Variants in NPR3 observed in about 807,000 individuals in gnomAD.
The protein encoded by NPR3 is natriuretic peptide receptor 3, also known as atrial natriuretic peptide receptor 3.
In NPR3, 34 loss-of-function variants were observed where a neutral mutation model predicts 54.5. The ratio of observed to expected loss-of-function variants is 0.62; its 90% CI spans 0.47 to 0.83. The LOEUF (loss-of-function observed/expected upper bound fraction) is 0.83, where lower values mean the gene tolerates loss of function less well. NPR3 is among the 40% of genes least tolerant of loss of function. The probability of loss-of-function intolerance (pLI) is 0.00; values close to 1 mark genes in which losing one functional copy is unlikely to be tolerated. For synonymous variants in NPR3, 289 were observed against 297.1 expected (o/e 0.97, Z 0.28); for missense variants, 674 against 720.8 (o/e 0.94, Z 0.74).
rs531609303 is a variant in NPR3, at chr5:32,724,037, C to T, written c.770-661C>T. On this transcript the variant is annotated intron_variant, in intron 1 of 7. Transcript: ENST00000265074. ...AGAATCATGCTTATTTACCCCTAAA[C>T]ATTCAACTGTGTACTTCCTAAGAAC... 3.9e-5 allele frequency among the ~76,000 whole-genome samples: 6 copies of T among 152,302 alleles called. No homozygotes were observed. The East Asian group carries it at 1.2e-3, about 29-fold the overall frequency.
At chr5:32,747,007 C>A (rs1394081452) in intron 3 of NPR3, among the ~76,000 whole-genome samples, 1 of 152,038 alleles carries the variant, frequency 6.6e-6, no homozygotes, top group Non-Finnish European at 1.5e-5. Flanking sequence ...AAATAATACA[C>A]AACTTTCTAG....
Position 32,740,304 on chromosome 5 carries a change from G to A in NPR3, c.1059+1274G>A, listed in dbSNP as rs1024407845. Among the ~76,000 whole-genome samples, 14 of 152,242 alleles carry A rather than the reference G, an allele frequency of 9.2e-5. 1 individual carries two copies. Among genetic ancestry groups the A allele is most frequent in the Non-Finnish European group, 1.5e-4 (10 of 68,012 alleles). ...ACTTTTTCCTGTTGGGAGGATTTTG[G>A]ATTATTTACCTGAAGCATTTAACGC... On this transcript the variant is annotated intron_variant, in intron 3 of 7. Transcript: ENST00000265074.
chr5:32,698,562 T>G (rs1740589708), intron 1 of NPR3, among the ~76,000 whole-genome samples: 1 of 152,190 alleles, frequency 6.6e-6, no homozygotes, highest in South Asian at 2.1e-4. Context: ...TGTCAAAGGC[T>G]GAAAGTGGGA....
rs1413766434 is a variant in NPR3 at position 32,711,841 on chromosome 5, G to A, written c.65G>A (p.Gly22Asp). The change falls in exon 1 of 8, where the codon GGC (glycine) becomes GAC (aspartate). Residue 22 changes from glycine to aspartate, a missense_variant. Physicochemically the swap from Gly to Asp is moderately conservative, Grantham distance 94. Transcript: ENST00000265074. ...CTACTCGGCTGGGCGTTGCTGGCCGGCGGCACCGGTGGCGGTGGCGTTGGC... is the reference window on the plus strand; with the variant it reads ...CTACTCGGCTGGGCGTTGCTGGCCGACGGCACCGGTGGCGGTGGCGTTGGC... ...CVLLGWALLA[G>D]GTGGGGVGGG... 6.2e-6 allele frequency: 9 copies of A among 1,461,334 alleles called. No homozygotes were observed. In the South Asian group the frequency reaches 1.3e-4, roughly 21 times the overall value. The allele number at this position is 1,461,334 out of a possible 1,614,324, so 90.5% of individuals were successfully genotyped here.
At chr5:32,729,170 C>CA (rs1739330363) in intron 2 of NPR3, among the ~76,000 whole-genome samples, 1 of 150,308 alleles carries the variant, frequency 6.7e-6, no homozygotes, top group Non-Finnish European at 1.5e-5. Flanking sequence ...GCTGGGACTA[C>CA]AGGCGCCCGC....
At chr5:32,757,547 C>T (rs1740912877) in intron 3 of NPR3, among the ~76,000 whole-genome samples, 1 of 152,164 alleles carries the variant, frequency 6.6e-6, no homozygotes, top group Admixed American at 6.5e-5. Context: ...CATCTGCAAA[C>T]AGGGACAGTT....
At chr5:32,720,650 T>G (rs898210392) in intron 1 of NPR3, among the ~76,000 whole-genome samples, 4 of 152,184 alleles carry the variant, frequency 2.6e-5, no homozygotes, top group Non-Finnish European at 5.9e-5. Context: ...TCATTCCCTC[T>G]TTTAGAATTT....
intron 1 of NPR3, among the ~76,000 whole-genome samples, chr5:32,714,576 T>G (rs955732288): frequency 6.6e-6 from 1 of 151,902 alleles, no homozygotes; most frequent in Non-Finnish European, 1.5e-5. Flanking sequence ...ATTTTACAAG[T>G]GATAAGGTTA....
chr5:32,720,093 A>G (rs1287382700), intron 1 of NPR3, among the ~76,000 whole-genome samples: 1 of 152,196 alleles, frequency 6.6e-6, no homozygotes, highest in Non-Finnish European at 1.5e-5. Flanking sequence ...AGGCAGGAAT[A>G]TCTATTAAAT....
rs1481579405 is a variant in NPR3 at position 32,700,438 on chromosome 5, G to A, written c.100+11252G>A. Among the ~76,000 whole-genome samples, 4 of 151,328 alleles carry A rather than the reference G, an allele frequency of 2.6e-5. No homozygotes were observed. The South Asian group carries it at 6.3e-4, about 24-fold the overall frequency. On this transcript the variant is annotated intron_variant, in intron 1 of 5. Transcript: ENST00000509104. ...ATACTTTGAGTTCTAGGGTACATGC[G>A]CACAATGTGCAGGTTTGTTACATAG...
intron 3 of NPR3, among the ~76,000 whole-genome samples, chr5:32,759,432 C>T (rs1218692750): frequency 6.6e-6 from 1 of 151,966 alleles, no homozygotes; most frequent in East Asian, 1.9e-4. Flanking sequence ...GCAACCCCTG[C>T]CTTTTTTTGT....
intron 1 of NPR3, among the ~76,000 whole-genome samples, chr5:32,696,408 G>A (rs1413117993): frequency 6.6e-6 from 1 of 150,878 alleles, no homozygotes; most frequent in African/African-American, 2.4e-5. Context: ...TAGCTTTACA[G>A]TATAACTTAA....
intron 1 of NPR3, chr5:32,713,555 G>A (rs2111848178): frequency 2.4e-6 from 2 of 831,764 alleles, no homozygotes; most frequent in East Asian, 1.2e-4. Flanking sequence ...CCCCCTTGGC[G>A]CTCACGCGCC....
intron 3 of NPR3, among the ~76,000 whole-genome samples, chr5:32,772,430 AG>A (rs1200758934): frequency 2.0e-5 from 3 of 151,608 alleles, no homozygotes. Flanking sequence ...CCTGCAAATC[AG>A]CACTCTTTCC....
At chr5:32,702,724 G>A (rs1283207930) in intron 1 of NPR3, among the ~76,000 whole-genome samples, 1 of 152,058 alleles carries the variant, frequency 6.6e-6, no homozygotes, top group South Asian at 2.1e-4. Context: ...ATAAGCATAC[G>A]TGTGCATGTG....
chr5:32,701,972 A>T (rs1224356868), intron 1 of NPR3, among the ~76,000 whole-genome samples: 5 of 152,238 alleles, frequency 3.3e-5, no homozygotes, highest in Non-Finnish European at 1.5e-5. Context: ...GTGCTGGGTC[A>T]GATCTGAAGC....
intron 4 of NPR3, among the ~76,000 whole-genome samples, chr5:32,776,811 T>A (rs1742073646): frequency 6.6e-6 from 1 of 152,070 alleles, no homozygotes; most frequent in South Asian, 2.1e-4. Context: ...ATACAGTATA[T>A]CTTTCAGAGC....
chr5:32,788,771 A>G lies in NPR3; in HGVS notation c.*2426A>G, dbSNP rs1742758390. On this transcript the variant is annotated 3_prime_UTR_variant, in exon 8 of 8. Coordinates refer to ENST00000265074, the MANE Select transcript of NPR3 (RefSeq NM_001204375.2). Reference sequence around the variant, plus strand: ...TAGTATTCTAAAAGTGGCAGAACAAATCATGAGGTTTCTGGATGCTATACC... The same window carrying G: ...TAGTATTCTAAAAGTGGCAGAACAAGTCATGAGGTTTCTGGATGCTATACC... 6.6e-6 allele frequency: 1 copy of G among 152,258 alleles called. No homozygotes were observed. Among genetic ancestry groups the G allele is most frequent in the African/African-American group, 2.4e-5 (1 of 41,464 alleles). 9.4% of individuals were successfully genotyped at this position (152,258 alleles called of 1,614,324 possible).
intron 3 of NPR3, among the ~76,000 whole-genome samples, chr5:32,744,313 C>T (rs1740189487): frequency 6.6e-6 from 1 of 152,204 alleles, no homozygotes; most frequent in Non-Finnish European, 1.5e-5. Context: ...TAATGAGGCT[C>T]AGTGACCACC....
Sources: allele counts gnomAD v4.1 joint callset (sites outside exome capture counted in the v4.1 genomes callset), GRCh38; gene constraint gnomAD v4.1.1; transcripts MANE v1.5; gene names NCBI Gene and HGNC (gene_info 2026-07-23, HGNC 2026-07-21).